The following HTRA4 variants were observed in gnomAD, a reference collection of about 807,000 sequenced individuals.
HTRA4 encodes the protein serine protease HTRA4.
Under a neutral mutation model 49.1 loss-of-function variants are expected in HTRA4, and 46 were observed. The ratio of observed to expected loss-of-function variants is 0.94; its 90% CI spans 0.74 to 1.20. HTRA4 has a LOEUF of 1.20. HTRA4 is among the 50% of genes most tolerant of loss of function. The probability of loss-of-function intolerance (pLI) is 0.00; values close to 1 mark genes in which losing one functional copy is unlikely to be tolerated. For synonymous variants in HTRA4, 261 were observed against 264.0 expected, an observed-to-expected ratio of 0.99 and a Z score of 0.11; for missense variants, 602 against 636.9, an observed-to-expected ratio of 0.95 and a Z score of 0.59.
chr8:38,975,030 G>C lies in HTRA4; in HGVS notation c.467-1G>C. On this transcript the variant is annotated splice_acceptor_variant, in intron 1 of 8. Transcript: ENST00000302495. LOFTEE classifies it high-confidence loss of function. ...ACTCTTGAGCCAGTATTTTTTCATAGGGACCAGAAGCGCAGGCCCGCTCAG... is the reference window on the plus strand; with the variant it reads ...ACTCTTGAGCCAGTATTTTTTCATACGGACCAGAAGCGCAGGCCCGCTCAG... The C allele has an allele frequency of 1.9e-6, 3 of 1,614,028 alleles. No homozygotes were observed. Among genetic ancestry groups the C allele is most frequent in the Non-Finnish European group, 2.5e-6 (3 of 1,179,988 alleles).
chr8:38,984,447 T>C (rs892599353), intron 8 of HTRA4, among the ~76,000 whole-genome samples: 1 of 151,460 alleles, frequency 6.6e-6, no homozygotes, highest in Non-Finnish European at 1.5e-5. Flanking sequence ...ACCCTGTCTC[T>C]ACAAAAAATA....
Position 38,982,904 on chromosome 8 carries a change from G to C in HTRA4, c.1173-49G>C, listed in dbSNP as rs375670613. 1.1e-5 allele frequency: 14 copies of C among 1,321,340 alleles called. No homozygotes were observed. The African/African-American group carries it at 1.7e-4, about 16-fold the overall frequency. 81.9% of individuals were successfully genotyped at this position (1,321,340 alleles called of 1,614,324 possible). On this transcript the variant is annotated intron_variant, in intron 7 of 8. Coordinates refer to ENST00000302495, the MANE Select transcript of HTRA4 (RefSeq NM_153692.4). ...TACTAAGAATTTCAGGCTTTTACCA[G>C]GGCTCAGGAGACTAATTCATTGTTT...
intron 2 of HTRA4, 85 bp from the exon 3 acceptor site, chr8:38,976,450 G>A: frequency 8.3e-7 from 1 of 1,211,690 alleles, no homozygotes; most frequent in South Asian, 1.2e-5. Flanking sequence ...TGTTTAATAA[G>A]AGTGAGGTTC....
intron 8 of HTRA4, among the ~76,000 whole-genome samples, chr8:38,985,520 A>G (rs988597343): frequency 6.6e-6 from 1 of 152,128 alleles, no homozygotes; most frequent in African/African-American, 2.4e-5. Context: ...TAATCTGTTT[A>G]GATTATGGCA....
At chr8:38,983,774 G>A (rs1035050366) in intron 8 of HTRA4, among the ~76,000 whole-genome samples, 7 of 151,620 alleles carry the variant, frequency 4.6e-5, no homozygotes, top group African/African-American at 1.7e-4. Context: ...TTGTCTACAG[G>A]ACAGTGCTGA....
chr8:38,979,121 G>A (rs1835388966), intron 4 of HTRA4, 94 bp from the exon 5 acceptor site: 1 of 1,192,346 alleles, frequency 8.4e-7, no homozygotes, highest in African/African-American at 1.5e-5. Context: ...TTGGTGGGCT[G>A]CTTTTGGTAA....
chr8:38,979,230 G>T lies in HTRA4; in HGVS notation c.982G>T (p.Gly328Cys). ...CTGCTTTTAGTATGGGAATTCTGGTGGTCCTCTGGTGAACTTGGTAAGTGA... is the reference window on the plus strand; with the variant it reads ...CTGCTTTTAGTATGGGAATTCTGGTTGTCCTCTGGTGAACTTGGTAAGTGA... ...DATINYGNSG[G>C]PLVNLDGDVI... Residue 328 changes from glycine (G) to cysteine (C), a missense_variant, in exon 5 of 9, where the codon GGT becomes TGT. Gly to Cys is a radical substitution (Grantham distance 159). Coordinates refer to ENST00000302495, the MANE Select transcript of HTRA4 (RefSeq NM_153692.4). 2 of 1,613,254 alleles carry T rather than the reference G, an allele frequency of 1.2e-6. No individual in the cohort carries two copies. Among genetic ancestry groups the T allele is most frequent in the East Asian group, 2.2e-5 (1 of 44,870 alleles).
chr8:38,988,125 T>TAAAAAAAA lies in HTRA4; in HGVS notation c.*33_*40dup. 4 of 1,334,528 alleles carry TAAAAAAAA rather than the reference T, an allele frequency of 3.0e-6. No individual in the cohort carries two copies. Among genetic ancestry groups the TAAAAAAAA allele is most frequent in the African/African-American group, 1.5e-5 (1 of 64,616 alleles). 82.7% of individuals were successfully genotyped at this position (1,334,528 alleles called of 1,614,324 possible). ...TATCTTGTTTTAAAGTGGGATTATCTAAAAAAAAAAAAACCAGTTATATCA... is the reference window on the plus strand; with the variant it reads ...TATCTTGTTTTAAAGTGGGATTATCTAAAAAAAAAAAAAAAAAAAAACCAGTTATATCA... On this transcript the variant is annotated 3_prime_UTR_variant, in exon 9 of 9. Coordinates refer to ENST00000302495, the MANE Select transcript of HTRA4 (RefSeq NM_153692.4).
intron 5 of HTRA4, 107 bp downstream of exon 5, chr8:38,979,354 G>A (rs1835392486): frequency 3.0e-6 from 3 of 1,003,834 alleles, no homozygotes; most frequent in Non-Finnish European, 4.8e-6. Context: ...CAGCACATTT[G>A]GGATGACTGC....
intron 3 of HTRA4, among the ~76,000 whole-genome samples, chr8:38,976,985 G>GA (rs1404466520): frequency 1.3e-5 from 2 of 151,932 alleles, no homozygotes; most frequent in Non-Finnish European, 2.9e-5. Context: ...ACCCAGGCTG[G>GA]AGTACAGTGG....
At chr8:38,978,194 G>A (rs1835377100) in intron 4 of HTRA4, 47 bp downstream of exon 4, 2 of 1,519,988 alleles carry the variant, frequency 1.3e-6, no homozygotes, top group African/African-American at 2.8e-5. Context: ...CTGTGGACCA[G>A]TACAGGTCCA....
At chr8:38,976,182 C>T (rs538624340) in intron 2 of HTRA4, among the ~76,000 whole-genome samples, 92 of 152,292 alleles carry the variant, frequency 6.0e-4, no homozygotes, top group African/African-American at 2.0e-3. Context: ...GAGGCCGAGG[C>T]GGGTGGATCA....
chr8:38,980,059 A>T (rs1381632703), intron 5 of HTRA4, among the ~76,000 whole-genome samples: 1 of 152,182 alleles, frequency 6.6e-6, no homozygotes, highest in East Asian at 1.9e-4. Flanking sequence ...TCTCAAATAC[A>T]TTGCCGTGTC....
intron 8 of HTRA4, among the ~76,000 whole-genome samples, chr8:38,987,568 G>A (rs1380570820): frequency 6.6e-6 from 1 of 152,080 alleles, no homozygotes; most frequent in Non-Finnish European, 1.5e-5. Flanking sequence ...TATTGCTTGG[G>A]CTTTTCACTT....
chr8:38,987,086 C>T (rs1835490680), intron 8 of HTRA4, among the ~76,000 whole-genome samples: 3 of 140,612 alleles, frequency 2.1e-5, no homozygotes. Flanking sequence ...TTCATATCCT[C>T]TTGCGTTAAG....
rs1204864986 is a variant in HTRA4, at chr8:38,983,013, T to C, written c.1233T>C (p.Tyr411=). Residue 411 remains tyrosine, a synonymous_variant, in exon 8 of 9, where the codon TAT becomes TAC. Transcript: ENST00000302495. ...TCCCTGATGTGAGTTCTGGGGTTTATGTATGTAAAGTGGTTGAAGGAACAG... is the reference window on the plus strand; with the variant it reads ...TCCCTGATGTGAGTTCTGGGGTTTACGTATGTAAAGTGGTTGAAGGAACAG... ...PDFPDVSSGV[Y]VCKVVEGTAA... The C allele has an allele frequency of 4.3e-6, 7 of 1,613,922 alleles. No homozygotes were observed. Among genetic ancestry groups the C allele is most frequent in the South Asian group, 1.1e-5 (1 of 91,072 alleles).
At chr8:38,981,101 ACGGAGTCT>A (rs1835417292) in intron 5 of HTRA4, among the ~76,000 whole-genome samples, 2 of 30,364 alleles carry the variant, frequency 6.6e-5, no homozygotes, top group Non-Finnish European at 1.2e-4. Flanking sequence ...TTTTTTTGAG[ACGGAGTCT>A]CGCTAGGTCG....
At chr8:38,981,889 C>A (rs761946711) in intron 6 of HTRA4, 122 bp downstream of exon 6, 3 of 706,346 alleles carry the variant, frequency 4.2e-6, no homozygotes, top group Non-Finnish European at 7.2e-6. Context: ...TGCTCGTCAT[C>A]CAGGTTGGAG....
At chr8:38,978,296 CG>C in intron 4 of HTRA4, 149 bp downstream of exon 4, 1 of 650,342 alleles carries the variant, frequency 1.5e-6, no homozygotes, top group Non-Finnish European at 2.6e-6. Flanking sequence ...AGATCAGTGG[CG>C]GCATTAAATT....
Sources: allele counts gnomAD v4.1 joint callset (sites outside exome capture counted in the v4.1 genomes callset), GRCh38; gene constraint gnomAD v4.1.1; transcripts MANE v1.5; gene names NCBI Gene and HGNC (gene_info 2026-07-23, HGNC 2026-07-21).